The following XKR9 variants were observed in gnomAD, a reference collection of about 807,000 sequenced individuals.
XKR9 encodes XK related 9.
Under a neutral mutation model 32.0 loss-of-function variants are expected in XKR9, and 32 were observed. The ratio of observed to expected loss-of-function variants is 1.00; its 90% confidence interval spans 0.76 to 1.34. XKR9 has a LOEUF of 1.34. XKR9 is among the 40% of genes most tolerant of loss of function. The pLI, the probability that XKR9 is intolerant of heterozygous loss-of-function variation, is 0.00. For synonymous variants in XKR9, 168 were observed against 143.4 expected (o/e 1.17, Z -1.22); for missense variants, 546 against 429.7 (o/e 1.27, Z -2.39).
chr8:70,936,923 T>C, the XKR9 span, among the ~76,000 whole-genome samples: 3 of 152,190 alleles, frequency 2.0e-5, no homozygotes, highest in African/African-American at 7.2e-5. Flanking sequence ...GTCTTATTTC[T>C]TAGTTGGAGT....
the XKR9 span, among the ~76,000 whole-genome samples, chr8:70,911,349 C>A: frequency 6.6e-6 from 1 of 151,992 alleles, no homozygotes; most frequent in African/African-American, 2.4e-5. Flanking sequence ...ACAAATATAC[C>A]CTCCCAACAA....
chr8:70,822,298 C>A, the XKR9 span, among the ~76,000 whole-genome samples: 3 of 151,950 alleles, frequency 2.0e-5, no homozygotes, highest in African/African-American at 7.3e-5. Context: ...TCTTAAAATT[C>A]ATCAGGATAG....
chr8:70,746,594 T>C (rs1485688945), intron 2 of XKR9, among the ~76,000 whole-genome samples: 1 of 151,832 alleles, frequency 6.6e-6, no homozygotes, highest in Non-Finnish European at 1.5e-5. Context: ...AAGATGTAGT[T>C]TGCAGGACTG....
chr8:70,812,815 A>G, the XKR9 span, among the ~76,000 whole-genome samples: 18,414 of 152,228 alleles, frequency 0.12, 1,361 homozygotes, highest in African/African-American at 0.21. Flanking sequence ...ATGGAAGAAC[A>G]TTCCATGCTC....
At chr8:70,969,628 C>T in the XKR9 span, among the ~76,000 whole-genome samples, 1 of 152,212 alleles carries the variant, frequency 6.6e-6, no homozygotes, top group South Asian at 2.1e-4. Flanking sequence ...TTCTCCCTTT[C>T]CCTCATTTTT....
chr8:71,058,763 A>G, the XKR9 span, among the ~76,000 whole-genome samples: 3,363 of 152,274 alleles, frequency 0.022, 129 homozygotes, highest in African/African-American at 0.077. Context: ...CATTATCCAA[A>G]AGTCATCACT....
chr8:70,984,355 T>C, the XKR9 span, among the ~76,000 whole-genome samples: 1 of 152,226 alleles, frequency 6.6e-6, no homozygotes, highest in Non-Finnish European at 1.5e-5. Flanking sequence ...TTACTGCATC[T>C]TGTGGGTTCT....
At chr8:70,842,788 G>C in the XKR9 span, among the ~76,000 whole-genome samples, 1 of 152,090 alleles carries the variant, frequency 6.6e-6, no homozygotes, top group Non-Finnish European at 1.5e-5. Context: ...GGGCTGCCCC[G>C]CCACCTGGCT....
At chr8:71,049,829 T>C in the XKR9 span, among the ~76,000 whole-genome samples, 4 of 151,930 alleles carry the variant, frequency 2.6e-5, no homozygotes, top group Non-Finnish European at 5.9e-5. Context: ...AAGAGAAACA[T>C]CACAGGCGAT....
At chr8:70,951,900 C>T in the XKR9 span, among the ~76,000 whole-genome samples, 2 of 152,024 alleles carry the variant, frequency 1.3e-5, no homozygotes, top group African/African-American at 2.4e-5. Flanking sequence ...TAGGACCCCC[C>T]CAGTGCCCAG....
chr8:70,824,436 C>T, the XKR9 span, among the ~76,000 whole-genome samples: 56 of 151,950 alleles, frequency 3.7e-4, no homozygotes, highest in Non-Finnish European at 5.4e-4. Flanking sequence ...GTCTTTATTT[C>T]CTGGCCTAAA....
the XKR9 span, among the ~76,000 whole-genome samples, chr8:70,868,716 C>T: frequency 1.3e-5 from 2 of 152,200 alleles, no homozygotes; most frequent in Admixed American, 6.5e-5. Flanking sequence ...TAACATTAGT[C>T]TCCTCATTAC....
chr8:71,009,331 TTTG>T, the XKR9 span, among the ~76,000 whole-genome samples: 1 of 152,176 alleles, frequency 6.6e-6, no homozygotes, highest in Non-Finnish European at 1.5e-5. Flanking sequence ...TGTGTTTTGT[TTTG>T]TTTTTTGTTT....
chr8:70,690,277 T>TG (rs1201191093), intron 3 of XKR9, among the ~76,000 whole-genome samples: 1 of 152,102 alleles, frequency 6.6e-6, no homozygotes, highest in East Asian at 1.9e-4. Flanking sequence ...CTCAAGTAGA[T>TG]GCGTGTCAGT....
At chr8:70,916,985 T>C in the XKR9 span, among the ~76,000 whole-genome samples, 3 of 152,208 alleles carry the variant, frequency 2.0e-5, no homozygotes, top group African/African-American at 7.2e-5. Flanking sequence ...GTTGATATAT[T>C]TGACAAGATG....
intron 4 of XKR9, among the ~76,000 whole-genome samples, chr8:70,720,145 A>C (rs573501807): frequency 6.6e-6 from 1 of 152,214 alleles, no homozygotes; most frequent in South Asian, 2.1e-4. Flanking sequence ...TTGCACATTG[A>C]TTTTGTATCC....
At chr8:70,736,420 C>T (rs1444688994), downstream of XKR9, among the ~76,000 whole-genome samples, 5 of 152,034 alleles carry the variant, frequency 3.3e-5, no homozygotes, top group Non-Finnish European at 7.4e-5. Context: ...TGTAGGTTGC[C>T]TGTTCACTCT....
the XKR9 span, among the ~76,000 whole-genome samples, chr8:70,921,377 T>C: frequency 6.6e-6 from 1 of 152,238 alleles, no homozygotes; most frequent in East Asian, 1.9e-4. Context: ...TTGTTTTATG[T>C]ATTCACACTC....
intron 2 of XKR9, among the ~76,000 whole-genome samples, chr8:70,760,472 C>T (rs1210385360): frequency 6.6e-6 from 1 of 152,010 alleles, no homozygotes; most frequent in Admixed American, 6.6e-5. Context: ...GTCACTATGC[C>T]TTTTTTATTG....
Sources: allele counts gnomAD v4.1 joint callset (sites outside exome capture counted in the v4.1 genomes callset), GRCh38; gene constraint gnomAD v4.1.1; transcripts MANE v1.5; gene names NCBI Gene and HGNC (gene_info 2026-07-23, HGNC 2026-07-21).